Variants in WDHD1 observed in about 807,000 individuals in gnomAD.
WDHD1 encodes WD repeat and HMG-box DNA-binding protein 1.
WDHD1 carries 111 observed loss-of-function variants against 135.4 expected under a neutral mutation model. That is an observed-to-expected ratio of 0.82 (90% CI 0.70 to 0.96). The LOEUF (loss-of-function observed/expected upper bound fraction) is 0.96. Among genes scored for constraint, WDHD1 ranks in the 40% least tolerant of loss-of-function variants. The probability of loss-of-function intolerance (pLI) is 0.00; values close to 1 mark genes in which losing one functional copy is unlikely to be tolerated. For synonymous variants in WDHD1, 434 were observed against 439.0 expected (o/e 0.99, Z 0.14); for missense variants, 1,351 against 1,336.3 (o/e 1.01, Z -0.17).
chr14:54,966,353 A>G (rs2041344162), intron 18 of WDHD1, 122 bp downstream of exon 18: 1 of 1,275,400 alleles, frequency 7.8e-7, no homozygotes, highest in Non-Finnish European at 1.0e-6. Context: ...CAACAACAAC[A>G]ACAAAAAAAA....
At chr14:54,978,245 T>G (rs1476873162) in intron 16 of WDHD1, among the ~76,000 whole-genome samples, 1 of 152,122 alleles carries the variant, frequency 6.6e-6, no homozygotes. Flanking sequence ...AAAATGGACA[T>G]GCAAGAAATC....
chr14:54,957,850 A>G lies in WDHD1; in HGVS notation c.2702-215T>C, dbSNP rs2041185625. On this transcript the variant is annotated intron_variant, in intron 21 of 25. Transcript: ENST00000360586. ...CCACCCCAACGTGCCACTATGAAAC[A>G]TATTCAGTATGTACAGATCTTTTAT... Among the ~76,000 whole-genome samples the G allele has an allele frequency of 2.0e-5, 3 of 152,256 alleles. No individual in the cohort carries two copies. In the South Asian group the frequency reaches 6.2e-4, roughly 31 times the overall value.
chr14:54,988,574 G>C (rs2041730970), intron 13 of WDHD1, among the ~76,000 whole-genome samples: 1 of 151,990 alleles, frequency 6.6e-6, no homozygotes, highest in African/African-American at 2.4e-5. Context: ...ATTAAAATAA[G>C]GGAGGTTCAA....
At chr14:54,954,601 A>G (rs2041120754) in intron 24 of WDHD1, among the ~76,000 whole-genome samples, 1 of 152,256 alleles carries the variant, frequency 6.6e-6, no homozygotes, top group Non-Finnish European at 1.5e-5. Context: ...CAAGTAGAGA[A>G]CTACATGAAC....
At chr14:54,962,351 A>G in intron 21 of WDHD1, 147 bp downstream of exon 21, 1 of 687,096 alleles carries the variant, frequency 1.5e-6, no homozygotes, top group Non-Finnish European at 2.6e-6. Context: ...AGCTTCACAA[A>G]CAACATCTGA....
rs940218759 is a variant in WDHD1 at position 54,943,410 on chromosome 14, C to T, written c.3189+922G>A. 2.0e-5 allele frequency among the ~76,000 whole-genome samples: 3 copies of T among 152,036 alleles called. No homozygotes were observed. In the South Asian group the frequency reaches 6.2e-4, roughly 32 times the overall value. On this transcript the variant is annotated intron_variant, in intron 25 of 25. Transcript: ENST00000360586. Reference sequence around the variant, plus strand: ...TTTTTACTTATTAATTTTTTTCCCCCTAGAGACCCGGTCTCACTCTGTCAC... The same window carrying T: ...TTTTTACTTATTAATTTTTTTCCCCTTAGAGACCCGGTCTCACTCTGTCAC...
chr14:54,977,555 C>T (rs988987398), intron 16 of WDHD1, among the ~76,000 whole-genome samples: 9 of 152,180 alleles, frequency 5.9e-5, no homozygotes, highest in Admixed American at 5.9e-4. Flanking sequence ...TCTTTATTAG[C>T]TGATACTAAA....
chr14:54,954,113 T>A (rs1268241666), intron 24 of WDHD1, among the ~76,000 whole-genome samples: 15 of 142,120 alleles, frequency 1.1e-4, no homozygotes, highest in South Asian at 2.2e-4. Context: ...TAAAAGTATT[T>A]AAAAAAAAAA....
chr14:54,976,598 TA>T (rs2041528270), intron 16 of WDHD1, among the ~76,000 whole-genome samples: 1 of 152,210 alleles, frequency 6.6e-6, no homozygotes, highest in Admixed American at 6.5e-5. Context: ...AACTTCCATG[TA>T]CCGCTATCCA....
intron 10 of WDHD1, among the ~76,000 whole-genome samples, chr14:54,996,281 T>C (rs750419303): frequency 2.6e-5 from 4 of 152,254 alleles, no homozygotes; most frequent in East Asian, 1.9e-4. Context: ...AATAAAGTGA[T>C]AGAACCAATA....
chr14:54,988,231 C>CA (rs1566728586), intron 13 of WDHD1, among the ~76,000 whole-genome samples: 5 of 125,866 alleles, frequency 4.0e-5, no homozygotes, highest in Non-Finnish European at 8.3e-5. Context: ...TTTGTTTTTC[C>CA]GTTTTTTTTT....
intron 7 of WDHD1, chr14:55,004,988 G>A (rs544526725): frequency 1.3e-4 from 70 of 542,344 alleles, no homozygotes; most frequent in African/African-American, 1.2e-3. Context: ...GAGGAGCACC[G>A]AACTCAGGAG....
intron 11 of WDHD1, among the ~76,000 whole-genome samples, chr14:54,993,482 T>C (rs1277326756): frequency 6.6e-6 from 1 of 152,202 alleles, no homozygotes; most frequent in Non-Finnish European, 1.5e-5. Context: ...GATTACACTT[T>C]GCAAGTAATC....
chr14:54,946,014 T>G (rs1194950785), intron 24 of WDHD1, among the ~76,000 whole-genome samples: 1 of 152,220 alleles, frequency 6.6e-6, no homozygotes, highest in Non-Finnish European at 1.5e-5. Flanking sequence ...TAAGTAATCT[T>G]AACGTAAACC....
chr14:54,957,546 T>C (rs2041180612), intron 22 of WDHD1, 46 bp downstream of exon 22: 6 of 1,471,296 alleles, frequency 4.1e-6, no homozygotes, highest in South Asian at 3.7e-5. Flanking sequence ...TTTCTTTGTA[T>C]ACAAATGTAT....
chr14:54,973,892 G>A (rs1201219588), intron 16 of WDHD1, among the ~76,000 whole-genome samples: 1 of 152,132 alleles, frequency 6.6e-6, no homozygotes, highest in East Asian at 1.9e-4. Flanking sequence ...TTACATCAAA[G>A]CAGAGCACCA....
intron 2 of WDHD1, among the ~76,000 whole-genome samples, chr14:55,022,062 G>A (rs1260787330): frequency 6.6e-6 from 1 of 152,126 alleles, no homozygotes; most frequent in Non-Finnish European, 1.5e-5. Context: ...ATTGTGTTTG[G>A]GGGCAAGTAT....
intron 24 of WDHD1, among the ~76,000 whole-genome samples, chr14:54,945,589 G>A (rs2040909528): frequency 6.6e-6 from 1 of 152,086 alleles, no homozygotes; most frequent in Non-Finnish European, 1.5e-5. Flanking sequence ...CCCCTATGCT[G>A]GAGTACAGTG....
intron 11 of WDHD1, among the ~76,000 whole-genome samples, chr14:54,991,715 T>G (rs2041794173): frequency 6.6e-6 from 1 of 152,168 alleles, no homozygotes; most frequent in Non-Finnish European, 1.5e-5. Context: ...TTTTTTAAAG[T>G]TCTGTGTGCT....
Sources: gnomAD v4.1 joint callset for allele counts (sites outside exome capture counted in the v4.1 genomes callset) on GRCh38, gnomAD v4.1.1 for gene constraint, MANE v1.5 for transcripts, NCBI Gene and HGNC (gene_info 2026-07-23, HGNC 2026-07-21) for gene names.